Variants in PCDHGA7 observed in about 807,000 individuals in gnomAD.
The protein encoded by PCDHGA7 is protocadherin gamma subfamily A, 7, also known as protocadherin gamma-A7.
In PCDHGA7, 44 loss-of-function variants were observed where a neutral mutation model predicts 58.3. The observed-to-expected ratio is 0.75, with a 90% CI of 0.59 to 0.97. The LOEUF (loss-of-function observed/expected upper bound fraction) is 0.97. Ranked by LOEUF, PCDHGA7 falls within the 50% of genes least tolerant of loss-of-function variation. The pLI, the probability that PCDHGA7 is intolerant of heterozygous loss-of-function variation, is 0.00. For synonymous variants in PCDHGA7, 516 were observed against 504.2 expected, an observed-to-expected ratio of 1.02 and a Z score of -0.31; for missense variants, 1,266 against 1,188.7, an observed-to-expected ratio of 1.06 and a Z score of -0.96.
Position 141,382,791 on chromosome 5 carries a change from C to T in PCDHGA7, c.-109C>T. On this transcript the variant is annotated 5_prime_UTR_variant, in exon 1 of 4. Transcript: ENST00000518325. ...GCTGCACTAAACTCAAGCCTCTATC[C>T]TGCTGGATTCTGAGCTCCCCTTCCT... 1.1e-6 allele frequency: 1 copy of T among 942,536 alleles called. No individual in the cohort carries two copies. The highest frequency in any genetic ancestry group is 1.6e-6 in the Non-Finnish European group (1 of 624,048). 58.4% of individuals were successfully genotyped at this position (942,536 alleles called of 1,614,324 possible).
chr5:141,476,661 T>G lies in PCDHGA7; in HGVS notation c.2425-18146T>G. 1.2e-6 allele frequency: 2 copies of G among 1,614,076 alleles called. No individual in the cohort carries two copies. The highest frequency in any genetic ancestry group is 1.7e-6 in the Non-Finnish European group (2 of 1,179,938). On this transcript the variant is annotated intron_variant, in intron 1 of 3. Coordinates refer to ENST00000518325, the MANE Select transcript of PCDHGA7 (RefSeq NM_018920.4). The surrounding 1 kb of genome is among the most constrained non-coding windows in gnomAD (Gnocchi z 7.6). Reference sequence around the variant, plus strand: ...CTGAGCCGAAATGAATACTTTGCGCTTCGCGTGCAGACGCGGGAGGACAGC... The same window carrying G: ...CTGAGCCGAAATGAATACTTTGCGCGTCGCGTGCAGACGCGGGAGGACAGC...
intron 1 of PCDHGA7, chr5:141,403,387 C>T: frequency 6.2e-7 from 1 of 1,614,042 alleles, no homozygotes; most frequent in Non-Finnish European, 8.5e-7. Context: ...TTAACGAAAT[C>T]GCGGTTCCTG....
At position 141,487,728 on chromosome 5, in the gene PCDHGA7, C is replaced by T. The variant is rs986276637; in HGVS notation, c.2425-7079C>T. 2 of 1,570,444 alleles carry T rather than the reference C, an allele frequency of 1.3e-6. No homozygotes were observed. Among genetic ancestry groups the T allele is most frequent in the East Asian group, 2.3e-5 (1 of 42,866 alleles). ...TCAGTAAGTGCCCATAGTGATGTCA[C>T]CATTTTTGTAAGAGGTAACTATGTG... On this transcript the variant is annotated intron_variant, in intron 1 of 3. Coordinates refer to ENST00000518325, the MANE Select transcript of PCDHGA7 (RefSeq NM_018920.4). The surrounding 1 kb of genome is among the most constrained non-coding windows in gnomAD (Gnocchi z 5.0).
chr5:141,423,868 T>G (rs2154550529), intron 1 of PCDHGA7: 1 of 1,283,788 alleles, frequency 7.8e-7, no homozygotes, highest in East Asian at 3.1e-5. Flanking sequence ...GTGAAAGTCA[T>G]TTTTCAATCT....
intron 1 of PCDHGA7, among the ~76,000 whole-genome samples, chr5:141,492,437 C>T (rs182333697): frequency 8.5e-5 from 13 of 152,332 alleles, no homozygotes; most frequent in Admixed American, 8.5e-4. Flanking sequence ...CAGGAGTACT[C>T]GTAGCTGATT....
chr5:141,404,167 G>C, intron 1 of PCDHGA7: 1 of 1,612,946 alleles, frequency 6.2e-7, no homozygotes, highest in South Asian at 1.1e-5. Context: ...ACAGATTGTT[G>C]ACGGCCCAAA....
chr5:141,395,538 TTGTTTG>T (rs1338769311), intron 1 of PCDHGA7: 4 of 225,774 alleles, frequency 1.8e-5, no homozygotes, highest in African/African-American at 1.7e-4. Flanking sequence ...AATTTTGCTA[TTGTTTG>T]TGTGTGTGTG....
In PCDHGA7 at chr5:141,476,255, G is replaced by A. The variant is rs767691159; in HGVS notation, c.2425-18552G>A. 6.2e-7 allele frequency: 1 copy of A among 1,614,090 alleles called. No individual in the cohort carries two copies. Among genetic ancestry groups the A allele is most frequent in the Admixed American group, 1.7e-5 (1 of 60,022 alleles). ...GGAGGAAAGAGAGAAGGGTTTCGCT[G>A]TGGGCAACGTGGTCGCGAACCTTGG... On this transcript the variant is annotated intron_variant, in intron 1 of 3. Transcript: ENST00000518325. The surrounding 1 kb of genome is among the most constrained non-coding windows in gnomAD (Gnocchi z 7.6).
chr5:141,433,514 G>C (rs1330494451), intron 1 of PCDHGA7, among the ~76,000 whole-genome samples: 1 of 152,016 alleles, frequency 6.6e-6, no homozygotes, highest in East Asian at 1.9e-4. Context: ...GATTACAGGC[G>C]TGAACCACAG....
intron 1 of PCDHGA7, chr5:141,430,951 C>T (rs200771871): frequency 3.2e-5 from 51 of 1,610,496 alleles, no homozygotes; most frequent in African/African-American, 1.5e-4. Context: ...AGCGCGGAGT[C>T]CGCATCATCC....
intron 1 of PCDHGA7, chr5:141,484,876 A>T (rs1461505847): frequency 6.3e-6 from 2 of 315,126 alleles, no homozygotes; most frequent in Admixed American, 9.4e-5. Flanking sequence ...CGTGGAGGAT[A>T]GGGTGGGCTT....
rs955615446 is a variant in PCDHGA7 at position 141,420,343 on chromosome 5, ATTATT to A, written c.2424+35024_2424+35028del. Reference sequence around the variant, plus strand: ...TGCCAATATATTCCAATATAGTGGTATTATTTTAAGATTCTAGATAACTTCTTCAT... The same window carrying A: ...TGCCAATATATTCCAATATAGTGGTATTAAGATTCTAGATAACTTCTTCAT... On this transcript the variant is annotated intron_variant, in intron 1 of 3. Transcript: ENST00000518325. 8 of 1,394,426 alleles carry A rather than the reference ATTATT, an allele frequency of 5.7e-6. No homozygotes were observed. In the African/African-American group the frequency reaches 1.2e-4, roughly 20 times the overall value. 86.4% of individuals were successfully genotyped at this position (1,394,426 alleles called of 1,614,324 possible).
Position 141,491,402 on chromosome 5 carries a change from C to T in PCDHGA7, c.2425-3405C>T. 1 of 1,614,156 alleles carries T rather than the reference C, an allele frequency of 6.2e-7. No individual in the cohort carries two copies. Among genetic ancestry groups the T allele is most frequent in the Non-Finnish European group, 8.5e-7 (1 of 1,180,022 alleles). ...TCAGCGAAGTGCCTTCAGGGAAACG[C>T]AGACGGGGACGGGGGTGGAGGGCAG... On this transcript the variant is annotated intron_variant, in intron 1 of 3. Transcript: ENST00000518325. The surrounding 1 kb of genome is among the most constrained non-coding windows in gnomAD (Gnocchi z 6.9).
intron 1 of PCDHGA7, chr5:141,413,929 C>T (rs2095693828): frequency 6.2e-7 from 1 of 1,613,342 alleles, no homozygotes; most frequent in South Asian, 1.1e-5. Context: ...GCCAGAATAC[C>T]GAGTGAGTGT....
Position 141,420,946 on chromosome 5 carries a change from A to G in PCDHGA7, c.2424+35623A>G, listed in dbSNP as rs1561791007. 5 of 400,268 alleles carry G rather than the reference A, an allele frequency of 1.2e-5. No homozygotes were observed. In the East Asian group the frequency reaches 1.7e-4, roughly 14 times the overall value. The allele number at this position is 400,268 out of a possible 1,614,324, so 24.8% of individuals were successfully genotyped here. A position where few individuals can be genotyped will look rare whatever the true frequency, so the allele number is the denominator to read the frequency against. ...AGGTGAGCGTAATCATTTCTTCTGG[A>G]ATTTCTTAGTCGTTGCAATAATAAG... On this transcript the variant is annotated intron_variant, in intron 1 of 3. Coordinates refer to ENST00000518325, the MANE Select transcript of PCDHGA7 (RefSeq NM_018920.4).
In PCDHGA7 at chr5:141,395,547, TGTGTGTGTGTGTGTG is replaced by T. The variant is rs2093269943; in HGVS notation, c.2424+10225_2424+10239del. On this transcript the variant is annotated intron_variant, in intron 1 of 3. Coordinates refer to ENST00000518325, the MANE Select transcript of PCDHGA7 (RefSeq NM_018920.4). ...ACTGGTAATTTTGCTATTGTTTGTG[TGTGTGTGTGTGTGTG>T]TGTGTGTGTGTGTGTGTGTGTGTGT... 2.2e-3 allele frequency: 375 copies of T among 174,268 alleles called. 18 individuals carry two copies. The highest frequency in any genetic ancestry group is 5.2e-3 in the East Asian group (33 of 6,366). 10.8% of individuals were successfully genotyped at this position (174,268 alleles called of 1,614,324 possible). A position where few individuals can be genotyped will look rare whatever the true frequency, so the allele number is the denominator to read the frequency against.
chr5:141,509,056 G>C (rs1303823294), intron 3 of PCDHGA7, among the ~76,000 whole-genome samples: 1 of 152,178 alleles, frequency 6.6e-6, no homozygotes, highest in Non-Finnish European at 1.5e-5. Flanking sequence ...CCCCCAGAAA[G>C]CTCTCAGCTC....
chr5:141,473,431 G>A (rs541546681), intron 1 of PCDHGA7, among the ~76,000 whole-genome samples: 10 of 152,266 alleles, frequency 6.6e-5, no homozygotes, highest in Non-Finnish European at 1.3e-4. Flanking sequence ...CAGATACTTT[G>A]CTTATGCAAA....
Position 141,383,013 on chromosome 5 carries a change from G to T in PCDHGA7, c.114G>T (p.Glu38Asp). 1 of 1,613,828 alleles carries T rather than the reference G, an allele frequency of 6.2e-7. No individual in the cohort carries two copies. Among genetic ancestry groups the T allele is most frequent in the South Asian group, 1.1e-5 (1 of 91,090 alleles). Residue 38 changes from glutamate (E) to aspartate (D), a missense_variant, in exon 1 of 4, where the codon GAG (glutamate) becomes GAT (aspartate). Transcript: ENST00000518325. ...AGRILYSVSE[E>D]TDKGSFVGDI... ...GTATTCTCTACTCCGTGTCGGAGGAGACGGACAAAGGGTCCTTTGTGGGAG... is the reference window on the plus strand; with the variant it reads ...GTATTCTCTACTCCGTGTCGGAGGATACGGACAAAGGGTCCTTTGTGGGAG...
Sources: allele counts gnomAD v4.1 joint callset (sites outside exome capture counted in the v4.1 genomes callset), GRCh38; gene constraint gnomAD v4.1.1; non-coding constraint Gnocchi (gnomAD v3.1); transcripts MANE v1.5; gene names NCBI Gene and HGNC (gene_info 2026-07-23, HGNC 2026-07-21).